The following ABCC5 variants were observed in gnomAD, a reference collection of about 807,000 sequenced individuals.
ABCC5 encodes the protein ATP binding cassette subfamily C member 5, also known as ATP-binding cassette sub-family C member 5.
Under a neutral mutation model 160.9 loss-of-function variants are expected in ABCC5, and 61 were observed. That is an observed-to-expected ratio of 0.38 (90% CI 0.31 to 0.47). ABCC5 has a LOEUF of 0.47. Among genes scored for constraint, ABCC5 ranks in the 20% least tolerant of loss-of-function variants. The pLI is 0.99. For missense variants in ABCC5, 1,308 were observed against 1,813.3 expected (o/e 0.72, Z 5.06); for synonymous variants, 666 against 700.6 (o/e 0.95, Z 0.78).
Position 183,947,409 on chromosome 3 carries a change from A to G in ABCC5, c.3329T>C (p.Ile1110Thr), listed in dbSNP as rs762870663. The change falls in exon 23 of 30, where the codon ATC becomes ACC. Residue 1110 changes from isoleucine to threonine, a missense_variant. Ile to Thr is a moderately conservative substitution (Grantham distance 89). Transcript: ENST00000334444. ...AACGATCATCAGCCCCGTGGTGGTGATGAGGGCGATGCTGATGAGGTCCAG... is the reference window on the plus strand; with the variant it reads ...AACGATCATCAGCCCCGTGGTGGTGGTGAGGGCGATGCTGATGAGGTCCAG... ...VRLDLISIAL[I>T]TTTGLMIVLM... 7.4e-6 allele frequency: 12 copies of G among 1,614,002 alleles called. No homozygotes were observed. The highest frequency in any genetic ancestry group is 1.0e-5 in the Non-Finnish European group (12 of 1,179,952).
intron 8 of ABCC5, among the ~76,000 whole-genome samples, chr3:183,979,512 T>G (rs1718518980): frequency 6.6e-6 from 1 of 152,194 alleles, no homozygotes; most frequent in African/African-American, 2.4e-5. Flanking sequence ...CTTAAATATT[T>G]GCAAAATCAA....
At chr3:183,966,884 C>G (rs948145372) in intron 12 of ABCC5, among the ~76,000 whole-genome samples, 6 of 152,188 alleles carry the variant, frequency 3.9e-5, no homozygotes, top group Non-Finnish European at 8.8e-5. Flanking sequence ...CCTGCTCCCC[C>G]TCTGTTTCAT....
In ABCC5 at chr3:183,975,731, T is replaced by C. The variant is rs192219953; in HGVS notation, c.1404+1786A>G. On this transcript the variant is annotated intron_variant, in intron 10 of 29. Transcript: ENST00000334444. ...ACTGAGACCACCAAGAGAAGTAAGA[T>C]AGAAGGGGTCTAAAGTCTCATGGGG... Among the ~76,000 whole-genome samples the C allele has an allele frequency of 2.1e-3, 313 of 150,856 alleles. 1 individual carries two copies. Among genetic ancestry groups the C allele is most frequent in the African/African-American group, 7.1e-3 (291 of 41,076 alleles).
At chr3:184,008,184 C>T (rs1425815908) in intron 2 of ABCC5, among the ~76,000 whole-genome samples, 1 of 152,148 alleles carries the variant, frequency 6.6e-6, no homozygotes, top group Non-Finnish European at 1.5e-5. Context: ...TTTATCTGCA[C>T]CAGACCACTC....
rs1335836712 is a variant in ABCC5, at chr3:183,951,847, C to G, written c.2814+10G>C. 3.7e-6 allele frequency: 6 copies of G among 1,611,896 alleles called. No homozygotes were observed. The highest frequency in any genetic ancestry group is 1.7e-4 in the Middle Eastern group (1 of 5,934). On this transcript the variant is annotated intron_variant, in intron 19 of 29. Coordinates refer to ENST00000334444, the MANE Select transcript of ABCC5 (RefSeq NM_005688.4). This position sits in a 1 kb window ranked among gnomAD's most constrained non-coding sequence, Gnocchi z 4.7. The stretch of plus-strand genomic sequence containing the variant: ...AGGGAGGAGGGCAGAGACCACCCAC[C>G]AATGCATACCTTGACAAAGACAACT...
intron 2 of ABCC5, among the ~76,000 whole-genome samples, chr3:184,005,906 C>CT (rs1310540171): frequency 1.1e-5 from 1 of 91,880 alleles, no homozygotes; most frequent in Non-Finnish European, 2.1e-5. Flanking sequence ...GATTTAGGTA[C>CT]TTAAAAAAAA....
intron 10 of ABCC5, among the ~76,000 whole-genome samples, chr3:183,974,964 T>C (rs1718082922): frequency 6.6e-6 from 1 of 152,148 alleles, no homozygotes; most frequent in Non-Finnish European, 1.5e-5. Context: ...GAAAATGATG[T>C]AAAACAAGAC....
Position 183,920,374 on chromosome 3 carries a change from G to A in ABCC5, c.*926C>T, listed in dbSNP as rs748926097. Reference sequence around the variant, plus strand: ...AAAAGTGCCACCTCAAAAAGCAGCAGTTGGCTCCAGGGCTTGGAACCAACA... The same window carrying A: ...AAAAGTGCCACCTCAAAAAGCAGCAATTGGCTCCAGGGCTTGGAACCAACA... On this transcript the variant is annotated 3_prime_UTR_variant, in exon 30 of 30. Transcript: ENST00000334444. This position sits in a 1 kb window ranked among gnomAD's most constrained non-coding sequence, Gnocchi z 4.1. The A allele has an allele frequency of 3.3e-5, 5 of 152,694 alleles. No individual in the cohort carries two copies. Among genetic ancestry groups the A allele is most frequent in the Non-Finnish European group, 5.9e-5 (4 of 68,102 alleles). The allele number at this position is 152,694 out of a possible 1,614,324, so 9.5% of individuals were successfully genotyped here. A position where few individuals can be genotyped will look rare whatever the true frequency, so the allele number is the denominator to read the frequency against.
chr3:183,982,405 TCTC>T lies in ABCC5; in HGVS notation c.999+43_999+45del. On this transcript the variant is annotated intron_variant, in intron 7 of 29. Transcript: ENST00000334444. The surrounding 1 kb of genome is among the most constrained non-coding windows in gnomAD (Gnocchi z 5.2). Reference sequence around the variant, plus strand: ...ACTATAACCCAATGGAAGTAACTCATCTCCTAAGGAGAAGCTGCCAGGATTCAG... The same window carrying T: ...ACTATAACCCAATGGAAGTAACTCATCTAAGGAGAAGCTGCCAGGATTCAG... The T allele has an allele frequency of 1.9e-6, 3 of 1,588,608 alleles. No homozygotes were observed. Among genetic ancestry groups the T allele is most frequent in the Non-Finnish European group, 1.7e-6 (2 of 1,166,724 alleles).
intron 14 of ABCC5, 39 bp downstream of exon 14, chr3:183,965,146 A>G: frequency 6.2e-7 from 1 of 1,606,996 alleles, no homozygotes; most frequent in Non-Finnish European, 8.5e-7. Context: ...CAGCTCTGCC[A>G]CTCTGCTAAA....
Position 183,987,638 on chromosome 3 carries a change from A to G in ABCC5, c.591+132T>C, listed in dbSNP as rs2108865364. On this transcript the variant is annotated intron_variant, in intron 5 of 29. Transcript: ENST00000334444. This position sits in a 1 kb window ranked among gnomAD's most constrained non-coding sequence, Gnocchi z 4.2. The stretch of plus-strand genomic sequence containing the variant: ...TGCCAAAATCCATCGACCCCTTTCA[A>G]CAGACCTGAAGGCATCTCTAAGACT... 7.9e-7 allele frequency: 1 copy of G among 1,265,482 alleles called. No homozygotes were observed. Among genetic ancestry groups the G allele is most frequent in the South Asian group, 1.3e-5 (1 of 78,790 alleles). The allele number at this position is 1,265,482 out of a possible 1,614,324, so 78.4% of individuals were successfully genotyped here.
Position 183,978,637 on chromosome 3 carries a change from C to T in ABCC5, c.1162G>A (p.Glu388Lys), listed in dbSNP as rs1284292426. 1 of 1,613,172 alleles carries T rather than the reference C, an allele frequency of 6.2e-7. No individual in the cohort carries two copies. The highest frequency in any genetic ancestry group is 1.3e-5 in the African/African-American group (1 of 74,832). The change falls in exon 9 of 30, where the codon GAG (glutamate) becomes AAG (lysine). Residue 388 changes from glutamate (E) to lysine (K), a missense_variant. Around this residue, in one of 3 missense-constraint regions of ABCC5, gnomAD observed 1,142 missense variants for 1,527.1 expected, o/e 0.75. Coordinates refer to ENST00000334444, the MANE Select transcript of ABCC5 (RefSeq NM_005688.4). The stretch of plus-strand genomic sequence containing the variant: ...CCAGCTTTTTCCAATATCCGACGCT[C>T]CTCCTCGCGGATTTCTATGAATAAA... ...SQSVQKIREEERRILEKAGYF... is the reference protein window; with the variant it reads ...SQSVQKIREEKRRILEKAGYF...
At chr3:184,004,032 G>A (rs1011913174) in intron 2 of ABCC5, among the ~76,000 whole-genome samples, 1 of 151,966 alleles carries the variant, frequency 6.6e-6, no homozygotes, top group Non-Finnish European at 1.5e-5. Flanking sequence ...CCAATGTCTG[G>A]GTTCTATCCC....
chr3:184,013,674 C>T (rs1721947758), intron 2 of ABCC5, among the ~76,000 whole-genome samples: 1 of 152,180 alleles, frequency 6.6e-6, no homozygotes, highest in African/African-American at 2.4e-5. Context: ...CCCCCTCCCC[C>T]TCAATAAGTT....
At chr3:183,945,675 C>G (rs1044294465) in intron 24 of ABCC5, among the ~76,000 whole-genome samples, 175 bp downstream of exon 24, 4 of 152,182 alleles carry the variant, frequency 2.6e-5, no homozygotes, top group Non-Finnish European at 5.9e-5. Flanking sequence ...TACTTAGAAA[C>G]TCTTACGGTA....
At position 183,952,882 on chromosome 3, in the gene ABCC5, C is replaced by T. The variant is rs769165644; in HGVS notation, c.2667+204G>A. 2.3e-4 allele frequency among the ~76,000 whole-genome samples: 35 copies of T among 152,160 alleles called. 1 individual carries two copies. The highest frequency in any genetic ancestry group is 3.4e-4 in the Non-Finnish European group (23 of 68,020). ...GATAGCCTGCAGGTGTCCTACTGCA[C>T]GCCCTACTGCCCTGTGGGTTGGTCA... On this transcript the variant is annotated intron_variant, in intron 18 of 29. Transcript: ENST00000334444.
intron 10 of ABCC5, among the ~76,000 whole-genome samples, chr3:183,972,873 T>TG (rs1402673855): frequency 6.6e-6 from 1 of 152,028 alleles, no homozygotes; most frequent in East Asian, 1.9e-4. Context: ...CTTGAGCTCC[T>TG]GGGCTCAAGT....
intron 2 of ABCC5, among the ~76,000 whole-genome samples, chr3:184,002,766 G>GAACAATCC (rs373901550): frequency 6.6e-6 from 1 of 152,210 alleles, no homozygotes; most frequent in South Asian, 2.1e-4. Context: ...TTCCCCGTCT[G>GAACAATCC]AACAATCCAA....
intron 27 of ABCC5, among the ~76,000 whole-genome samples, 180 bp downstream of exon 27, chr3:183,928,567 G>A (rs954363880): frequency 6.6e-6 from 1 of 152,196 alleles, no homozygotes; most frequent in African/African-American, 2.4e-5. Context: ...CAGTGTGGGC[G>A]GTGGGGTTGA....
Sources: allele counts gnomAD v4.1 joint callset (sites outside exome capture counted in the v4.1 genomes callset), GRCh38; gene constraint gnomAD v4.1.1; regional missense constraint gnomAD v4.1.1; non-coding constraint Gnocchi (gnomAD v3.1); transcripts MANE v1.5; gene names NCBI Gene and HGNC (gene_info 2026-07-23, HGNC 2026-07-21).